SLC4A7: variants seen among roughly 807,000 people sequenced by gnomAD.
The protein encoded by SLC4A7 is solute carrier family 4 member 7, also known as sodium bicarbonate cotransporter 3.
SLC4A7 carries 51 observed loss-of-function variants against 137.6 expected under a neutral mutation model. The ratio of observed to expected loss-of-function variants is 0.37; its 90% CI spans 0.30 to 0.47. SLC4A7 has a LOEUF of 0.47. SLC4A7 is among the 20% of genes least tolerant of loss of function. The pLI is 1.00. For missense variants in SLC4A7, 1,247 were observed against 1,525.4 expected, an observed-to-expected ratio of 0.82 and a Z score of 3.04; for synonymous variants, 542 against 518.6, an observed-to-expected ratio of 1.05 and a Z score of -0.61.
In SLC4A7 at chr3:27,424,053, G is replaced by A. The variant is rs2055286998; in HGVS notation, c.1250C>T (p.Thr417Ile). Residue 417 changes from threonine (T) to isoleucine (I), a missense_variant, in exon 8 of 26, where the codon ACT becomes ATT. By Grantham distance (89) the Thr-to-Ile change is moderately conservative. Around this residue, in one of 6 missense-constraint regions of SLC4A7, gnomAD observed 499 missense variants for 664.2 expected, o/e 0.75. Coordinates refer to ENST00000454389, the MANE Select transcript of SLC4A7 (RefSeq NM_001321103.2). ...NGSGGSRENS[T>I]VDFSKVDMNF... ...TAGAATTACCTTGCTGAAGTCAACAGTACTATTTTCTCTGCTTCCACCACT... is the reference window on the plus strand; with the variant it reads ...TAGAATTACCTTGCTGAAGTCAACAATACTATTTTCTCTGCTTCCACCACT... 1.3e-6 allele frequency: 2 copies of A among 1,577,950 alleles called. No individual in the cohort carries two copies. Among genetic ancestry groups the A allele is most frequent in the Non-Finnish European group, 1.7e-6 (2 of 1,147,962 alleles).
chr3:27,411,968 C>T (rs1486465412), intron 11 of SLC4A7, among the ~76,000 whole-genome samples: 4 of 152,060 alleles, frequency 2.6e-5, no homozygotes, highest in Non-Finnish European at 5.9e-5. Context: ...TTGCAATTAG[C>T]TTTTTGCATC....
intron 11 of SLC4A7, among the ~76,000 whole-genome samples, chr3:27,413,009 T>C (rs1190130988): frequency 1.3e-5 from 2 of 152,144 alleles, no homozygotes; most frequent in Non-Finnish European, 2.9e-5. Flanking sequence ...AAAATGCATT[T>C]TTTAAAAGTA....
chr3:27,409,000 C>G (rs183620722), intron 13 of SLC4A7, among the ~76,000 whole-genome samples: 1 of 152,232 alleles, frequency 6.6e-6, no homozygotes, highest in East Asian at 1.9e-4. Context: ...TATGAAGTAG[C>G]CCCACTGATA....
At chr3:27,387,389 T>C (rs1403739276) in intron 22 of SLC4A7, among the ~76,000 whole-genome samples, 1 of 152,158 alleles carries the variant, frequency 6.6e-6, no homozygotes, top group African/African-American at 2.4e-5. Context: ...ATACAGAACA[T>C]TTCTACCATC....
chr3:27,419,680 T>C (rs1025463377), intron 10 of SLC4A7, among the ~76,000 whole-genome samples: 4 of 151,798 alleles, frequency 2.6e-5, no homozygotes, highest in Non-Finnish European at 4.4e-5. Context: ...AAGTCATTAA[T>C]ATCTTTGGAC....
chr3:27,409,332 G>A, intron 13 of SLC4A7, 24 bp downstream of exon 13: 1 of 1,561,732 alleles, frequency 6.4e-7, no homozygotes, highest in South Asian at 1.2e-5. Context: ...TAAAAGCCTG[G>A]CCACTACCAA....
intron 21 of SLC4A7, among the ~76,000 whole-genome samples, chr3:27,391,008 A>C (rs9822025): frequency 0.024 from 3,648 of 152,182 alleles, 164 homozygotes; most frequent in African/African-American, 0.084. Flanking sequence ...GGTTTTGTAG[A>C]GGCAGGATCT....
chr3:27,415,070 T>C (rs886133290), intron 11 of SLC4A7, among the ~76,000 whole-genome samples: 6 of 152,240 alleles, frequency 3.9e-5, no homozygotes, highest in African/African-American at 1.2e-4. Context: ...TAATCTTTTC[T>C]ACATAGCATC....
At chr3:27,427,730 T>C (rs1479605307) in intron 7 of SLC4A7, among the ~76,000 whole-genome samples, 1 of 152,162 alleles carries the variant, frequency 6.6e-6, no homozygotes, top group East Asian at 1.9e-4. Context: ...TGTATAGCTG[T>C]CCCTATTTTT....
chr3:27,418,704 G>A (rs2150278009), intron 10 of SLC4A7, 72 bp from the exon 11 acceptor site: 1 of 865,292 alleles, frequency 1.2e-6, no homozygotes, highest in South Asian at 1.7e-5. Flanking sequence ...AATCCACTCT[G>A]GATATCATAA....
intron 1 of SLC4A7, among the ~76,000 whole-genome samples, chr3:27,454,627 A>G (rs745641158): frequency 1.6e-4 from 25 of 152,194 alleles, no homozygotes; most frequent in Non-Finnish European, 2.6e-4. Flanking sequence ...CAACCAAGTC[A>G]TATTCTAAAA....
At chr3:27,461,313 T>A (rs2058683446) in intron 1 of SLC4A7, among the ~76,000 whole-genome samples, 1 of 151,816 alleles carries the variant, frequency 6.6e-6, no homozygotes, top group African/African-American at 2.4e-5. Flanking sequence ...CAGGGAGAAT[T>A]GCTTGAACCC....
chr3:27,421,894 T>C (rs2150305420), intron 8 of SLC4A7, 115 bp from the exon 9 acceptor site: 1 of 702,520 alleles, frequency 1.4e-6, no homozygotes, highest in South Asian at 2.4e-5. Flanking sequence ...AAACTTGTGA[T>C]CTAATGAATG....
intron 8 of SLC4A7, chr3:27,422,656 T>C: frequency 2.7e-6 from 1 of 371,240 alleles, no homozygotes; most frequent in East Asian, 7.4e-5. Flanking sequence ...GCTTTCTGTG[T>C]ATAATTACAA....
intron 3 of SLC4A7, among the ~76,000 whole-genome samples, chr3:27,444,057 G>A (rs1263760325): frequency 1.3e-5 from 2 of 152,172 alleles, no homozygotes; most frequent in African/African-American, 4.8e-5. Context: ...GTCCTTGGGT[G>A]AAGTGTTTTA....
chr3:27,383,344 A>G (rs1290651659), intron 23 of SLC4A7, 94 bp from the exon 24 acceptor site: 3 of 853,234 alleles, frequency 3.5e-6, no homozygotes, highest in Non-Finnish European at 5.7e-6. Context: ...AGAAACCCAA[A>G]CTGACATTAT....
chr3:27,400,518 G>A (rs1032429257), intron 16 of SLC4A7, among the ~76,000 whole-genome samples: 2 of 152,142 alleles, frequency 1.3e-5, no homozygotes, highest in African/African-American at 2.4e-5. Context: ...TCTTTATACT[G>A]TTCATATCTT....
intron 13 of SLC4A7, among the ~76,000 whole-genome samples, chr3:27,405,268 G>A (rs535979866): frequency 2.6e-4 from 39 of 152,008 alleles, no homozygotes; most frequent in East Asian, 1.4e-3. Context: ...GTGCCAATAC[G>A]ACACTCAAAA....
At chr3:27,445,868 G>A (rs2057554809) in intron 3 of SLC4A7, among the ~76,000 whole-genome samples, 1 of 137,694 alleles carries the variant, frequency 7.3e-6, no homozygotes, top group Non-Finnish European at 1.5e-5. Context: ...GGAGGCAGAG[G>A]TTGCAGTGAG....
Sources: allele counts gnomAD v4.1 joint callset (sites outside exome capture counted in the v4.1 genomes callset), GRCh38; gene constraint gnomAD v4.1.1; regional missense constraint gnomAD v4.1.1; transcripts MANE v1.5; gene names NCBI Gene and HGNC (gene_info 2026-07-23, HGNC 2026-07-21).